Variants in PRSS8 observed in about 807,000 individuals in gnomAD.
The protein encoded by PRSS8 is serine protease 8, also known as prostasin.
A neutral mutation model predicts 26.7 loss-of-function variants in PRSS8; 11 were observed. The observed-to-expected ratio is 0.41, with a 90% CI of 0.26 to 0.68. The LOEUF (loss-of-function observed/expected upper bound fraction) is 0.68, where lower values mean the gene tolerates loss of function less well. PRSS8 is among the 30% of genes least tolerant of loss of function. PRSS8 has a pLI of 0.30. For synonymous variants in PRSS8, 183 were observed against 187.0 expected (o/e 0.98, Z 0.17); for missense variants, 362 against 443.5 (o/e 0.82, Z 1.65).
chr16:31,132,826 G>C lies in PRSS8; in HGVS notation c.394C>G (p.Gln132Glu), dbSNP rs1567439108. Residue 132 changes from glutamine to glutamate, a missense_variant, in exon 4 of 6, where the codon CAG becomes GAG. Physicochemically the swap from Gln to Glu is conservative, Grantham distance 29 (BLOSUM62 2). Transcript: ENST00000317508. This position sits in a 1 kb window ranked among gnomAD's most constrained non-coding sequence, Gnocchi z 5.2. ...PHPSYLQEGSQGDIALLQLSR... is the reference protein window; with the variant it reads ...PHPSYLQEGSEGDIALLQLSR... ...AGTTGGAGGAGTGCAATGTCGCCCT[G>C]GGAGCCCTCCTGGAGGTAGCTGGGG... is the stretch of plus-strand genomic sequence containing the variant. The C allele has an allele frequency of 6.2e-7, 1 of 1,613,894 alleles. No homozygotes were observed. The highest frequency in any genetic ancestry group is 2.2e-5 in the East Asian group (1 of 44,878).
chr16:31,131,755 T>G lies in PRSS8; in HGVS notation c.*254A>C. The G allele has an allele frequency of 2.0e-6, 1 of 489,686 alleles. No homozygotes were observed. Among genetic ancestry groups the G allele is most frequent in the Non-Finnish European group, 3.6e-6 (1 of 276,844 alleles). The allele number at this position is 489,686 out of a possible 1,614,324, so 30.3% of individuals were successfully genotyped here. A position where few individuals can be genotyped will look rare whatever the true frequency, so the allele number is the denominator to read the frequency against. The stretch of plus-strand genomic sequence containing the variant: ...AGGAGCTCCCCAGGAGCTCGGCCAA[T>G]GGGCTGGTCCATGGTGGGTGAGGGG... On this transcript the variant is annotated 3_prime_UTR_variant, in exon 6 of 6. Coordinates refer to ENST00000317508, the MANE Select transcript of PRSS8 (RefSeq NM_002773.5).
In PRSS8 at chr16:31,132,725, G is replaced by C. The variant is rs777287205; in HGVS notation, c.495C>G (p.Gly165=). 6.2e-7 allele frequency: 1 copy of C among 1,614,020 alleles called. No individual in the cohort carries two copies. The highest frequency in any genetic ancestry group is 8.5e-7 in the Non-Finnish European group (1 of 1,179,894). The change falls in exon 4 of 6, where the codon GGC becomes GGG. Residue 165 remains glycine (G), a synonymous_variant. Coordinates refer to ENST00000317508, the MANE Select transcript of PRSS8 (RefSeq NM_002773.5). This position sits in a 1 kb window ranked among gnomAD's most constrained non-coding sequence, Gnocchi z 5.2. ...CCCAGCCAGTGACAGTGCAGTGGAG[G>C]CCGTTGGGGAAGGAGGCGTTGGCTG... ...LPAANASFPN[G]LHCTVTGWGH...
rs779362639 is a variant in PRSS8, at chr16:31,132,116, G to A, written c.925C>T (p.His309Tyr). The part of the protein sequence containing the change: ...SQPDSNLCGS[H>Y]LAFSSAPAQG... ...GCTGGGGCAGAGCTGAAGGCCAGGT[G>A]GCTGCCACAGAGGTTGCTGTCGGGC... is the stretch of plus-strand genomic sequence containing the variant. Residue 309 changes from histidine to tyrosine, a missense_variant, in exon 6 of 6, where the codon CAC becomes TAC. By Grantham distance (83) the His-to-Tyr change is moderately conservative. Coordinates refer to ENST00000317508, the MANE Select transcript of PRSS8 (RefSeq NM_002773.5). The surrounding 1 kb of genome is among the most constrained non-coding windows in gnomAD (Gnocchi z 5.2). 63 of 1,612,902 alleles carry A rather than the reference G, an allele frequency of 3.9e-5. No homozygotes were observed. The highest frequency in any genetic ancestry group is 3.1e-4 in the African/African-American group (23 of 74,932).
In PRSS8 at chr16:31,132,587, G is replaced by A. The variant is rs747939626; in HGVS notation, c.547C>T (p.Leu183=). The A allele has an allele frequency of 1.4e-5, 22 of 1,613,900 alleles. No individual in the cohort carries two copies. In the Admixed American group the frequency reaches 3.7e-4, roughly 27 times the overall value. Reference sequence around the variant, plus strand: ...AGTTGCTGCAGTGGCTTGGGCGTCAGGAGGCTCACTGTGGGGGTAAAAGAG... The same window carrying A: ...AGTTGCTGCAGTGGCTTGGGCGTCAAGAGGCTCACTGTGGGGGTAAAAGAG... The part of the protein sequence containing the change: ...WGHVAPSVSL[L]TPKPLQQLEV... The change falls in exon 5 of 6, where the codon CTG becomes TTG. Residue 183 remains leucine, a synonymous_variant. Coordinates refer to ENST00000317508, the MANE Select transcript of PRSS8 (RefSeq NM_002773.5). This position sits in a 1 kb window ranked among gnomAD's most constrained non-coding sequence, Gnocchi z 5.2.
In PRSS8 at chr16:31,133,212, T is replaced by C; in HGVS notation, c.266+14A>G. 6.2e-7 allele frequency: 1 copy of C among 1,613,804 alleles called. No homozygotes were observed. The highest frequency in any genetic ancestry group is 8.5e-7 in the Non-Finnish European group (1 of 1,179,886). ...TTGACCTCCAGCCCACTTTTGACTT[T>C]CACCATTTGGTACCTGGGGAAGCAG... On this transcript the variant is annotated intron_variant, in intron 3 of 5. Transcript: ENST00000317508. This position sits in a 1 kb window ranked among gnomAD's most constrained non-coding sequence, Gnocchi z 4.7.
chr16:31,132,417 G>A lies in PRSS8; in HGVS notation c.705+12C>T, dbSNP rs923136178. The A allele has an allele frequency of 1.9e-6, 3 of 1,613,816 alleles. No individual in the cohort carries two copies. Among genetic ancestry groups the A allele is most frequent in the Non-Finnish European group, 2.5e-6 (3 of 1,179,762 alleles). Reference sequence around the variant, plus strand: ...GTTGCACTGGTCATCTGCCCCCCGGGCCTGTGCTTACCTGGCAGGCGTCCT... The same window carrying A: ...GTTGCACTGGTCATCTGCCCCCCGGACCTGTGCTTACCTGGCAGGCGTCCT... On this transcript the variant is annotated intron_variant, in intron 5 of 5. Transcript: ENST00000317508. The surrounding 1 kb of genome is among the most constrained non-coding windows in gnomAD (Gnocchi z 5.2).
intron 2 of PRSS8, 150 bp downstream of exon 2, chr16:31,135,004 A>G: frequency 1.1e-6 from 1 of 930,584 alleles, no homozygotes; most frequent in Admixed American, 2.6e-5. Context: ...TCTGCCCATA[A>G]GGTGAGGGCT....
intron 2 of PRSS8, chr16:31,134,237 A>T (rs891610205): frequency 2.6e-5 from 4 of 152,304 alleles, no homozygotes; most frequent in African/African-American, 9.7e-5. Context: ...GGAGCAGAGA[A>T]AATTGCAGAC....
At chr16:31,134,961 A>T (rs1281408158) in intron 2 of PRSS8, 193 bp downstream of exon 2, 6 of 644,814 alleles carry the variant, frequency 9.3e-6, no homozygotes, top group African/African-American at 3.7e-5. Flanking sequence ...CTGCACCTTC[A>T]CTGGCAGTGT....
At position 31,132,675 on chromosome 16, in the gene PRSS8, A is replaced by G; in HGVS notation, c.538+7T>C. 1 of 1,613,674 alleles carries G rather than the reference A, an allele frequency of 6.2e-7. No homozygotes were observed. Among genetic ancestry groups the G allele is most frequent in the African/African-American group, 1.3e-5 (1 of 74,984 alleles). On this transcript the variant is annotated splice_region_variant and intron_variant, in intron 4 of 5. Coordinates refer to ENST00000317508, the MANE Select transcript of PRSS8 (RefSeq NM_002773.5). The surrounding 1 kb of genome is among the most constrained non-coding windows in gnomAD (Gnocchi z 5.2). ...CACACCTCTAGGCACCCAGCGTCCCACCTCACCTGAGGGGGCCACATGACC... is the reference window on the plus strand; with the variant it reads ...CACACCTCTAGGCACCCAGCGTCCCGCCTCACCTGAGGGGGCCACATGACC...
rs939682385 is a variant in PRSS8, at chr16:31,133,080, C to T, written c.267-127G>A. 52 of 1,573,148 alleles carry T rather than the reference C, an allele frequency of 3.3e-5. No individual in the cohort carries two copies. The highest frequency in any genetic ancestry group is 4.1e-5 in the Non-Finnish European group (47 of 1,154,936). On this transcript the variant is annotated intron_variant, in intron 3 of 5. Coordinates refer to ENST00000317508, the MANE Select transcript of PRSS8 (RefSeq NM_002773.5). This position sits in a 1 kb window ranked among gnomAD's most constrained non-coding sequence, Gnocchi z 4.7. ...TTGCACCTTAGTTTTATCATGTAAC[C>T]TCTGACCCCTCACCTTCACTCCTAA...
rs562510374 is a variant in PRSS8 at position 31,135,490 on chromosome 16, C to T, written c.9G>A (p.Gln3=). Residue 3 remains glutamine (Q), a synonymous_variant, in exon 1 of 6, where the codon CAG becomes CAA. Transcript: ENST00000317508. ...GCTGCCCAGGCCCCAGGACCCCCTTCTGGGCCATGGCCCAGGACAAGGGCC... is the reference window on the plus strand; with the variant it reads ...GCTGCCCAGGCCCCAGGACCCCCTTTTGGGCCATGGCCCAGGACAAGGGCC... MA[Q]KGVLGPGQLG... is the part of the protein sequence containing the mutation. 6.4e-6 allele frequency: 10 copies of T among 1,566,500 alleles called. No individual in the cohort carries two copies. The African/African-American group carries it at 1.2e-4, about 19-fold the overall frequency.
intron 2 of PRSS8, chr16:31,134,672 C>G (rs550429008): frequency 1.8e-5 from 3 of 170,780 alleles, no homozygotes; most frequent in Non-Finnish European, 3.8e-5. Context: ...ACCCACATCT[C>G]TACCAAACAA....
chr16:31,135,220 C>T (rs778956252), intron 1 of PRSS8, 49 bp from the exon 2 acceptor site: 3 of 1,611,932 alleles, frequency 1.9e-6, no homozygotes, highest in Non-Finnish European at 2.5e-6. Flanking sequence ...ACTCGGGTTC[C>T]CTGACCCCTT....
rs569915773 is a variant in PRSS8 at position 31,132,468 on chromosome 16, C to T, written c.666G>A (p.Val222=). Residue 222 remains valine, a synonymous_variant, in exon 5 of 6, where the codon GTG becomes GTA. Transcript: ENST00000317508. The surrounding 1 kb of genome is among the most constrained non-coding windows in gnomAD (Gnocchi z 5.2). ...EEPHFVQEDM[V]CAGYVEGGKD... ...TGCCCCCCTCCACATAGCCAGCACACACCATGTCCTCTTGGACAAAGTGCG... is the reference window on the plus strand; with the variant it reads ...TGCCCCCCTCCACATAGCCAGCACATACCATGTCCTCTTGGACAAAGTGCG... 1.2e-6 allele frequency: 2 copies of T among 1,614,062 alleles called. No individual in the cohort carries two copies. The highest frequency in any genetic ancestry group is 1.1e-5 in the South Asian group (1 of 91,086).
chr16:31,132,635 A>C lies in PRSS8; in HGVS notation c.539-40T>G. 1 of 1,613,182 alleles carries C rather than the reference A, an allele frequency of 6.2e-7. No individual in the cohort carries two copies. Among genetic ancestry groups the C allele is most frequent in the Non-Finnish European group, 8.5e-7 (1 of 1,179,250 alleles). On this transcript the variant is annotated intron_variant, in intron 4 of 5. Transcript: ENST00000317508. This position sits in a 1 kb window ranked among gnomAD's most constrained non-coding sequence, Gnocchi z 5.2. The stretch of plus-strand genomic sequence containing the variant: ...GAGGCTTACCCTGGGCCCCTCCCCA[A>C]GTCAGGTGCCCCTCCACACCTCTAG...
intron 2 of PRSS8, chr16:31,134,736 A>G: frequency 4.6e-6 from 1 of 217,230 alleles, no homozygotes; most frequent in South Asian, 7.2e-5. Context: ...ATGCACCTGT[A>G]GTCCCAGCCA....
Position 31,135,594 on chromosome 16 carries a change from G to A in PRSS8, c.-96C>T. 2 of 1,079,232 alleles carry A rather than the reference G, an allele frequency of 1.9e-6. No individual in the cohort carries two copies. The highest frequency in any genetic ancestry group is 1.7e-5 in the South Asian group (1 of 60,318). 66.9% of individuals were successfully genotyped at this position (1,079,232 alleles called of 1,614,324 possible). A position where few individuals can be genotyped will look rare whatever the true frequency, so the allele number is the denominator to read the frequency against. Reference sequence around the variant, plus strand: ...GCAGGACCCAGATGTTGGCTCAGAGGGAAGGATCCCAGAATCCGGGCTGGA... The same window carrying A: ...GCAGGACCCAGATGTTGGCTCAGAGAGAAGGATCCCAGAATCCGGGCTGGA... On this transcript the variant is annotated 5_prime_UTR_variant, in exon 1 of 6. Coordinates refer to ENST00000317508, the MANE Select transcript of PRSS8 (RefSeq NM_002773.5).
chr16:31,131,645 T>G lies in PRSS8; in HGVS notation c.*364A>C. 2 of 414,250 alleles carry G rather than the reference T, an allele frequency of 4.8e-6. No homozygotes were observed. The highest frequency in any genetic ancestry group is 8.7e-6 in the Non-Finnish European group (2 of 229,930). 25.7% of individuals were successfully genotyped at this position (414,250 alleles called of 1,614,324 possible). Reference sequence around the variant, plus strand: ...AACACAGGGAGAGGGCAGAGAGATGTGCTCATCAGTCTGGGCAGGCGGGCC... The same window carrying G: ...AACACAGGGAGAGGGCAGAGAGATGGGCTCATCAGTCTGGGCAGGCGGGCC... On this transcript the variant is annotated 3_prime_UTR_variant, in exon 6 of 6. Coordinates refer to ENST00000317508, the MANE Select transcript of PRSS8 (RefSeq NM_002773.5).
Sources: gnomAD v4.1 joint callset for allele counts on GRCh38, gnomAD v4.1.1 for gene constraint, Gnocchi (gnomAD v3.1) non-coding constraint, MANE v1.5 for transcripts, NCBI Gene and HGNC (gene_info 2026-07-23, HGNC 2026-07-21) for gene names.